The following EIF4G3 variants were observed in gnomAD, a reference collection of about 807,000 sequenced individuals.
EIF4G3 encodes eukaryotic translation initiation factor 4 gamma 3, also known as eIF-4-gamma 3.
A neutral mutation model predicts 186.4 loss-of-function variants in EIF4G3; 34 were observed. The observed-to-expected ratio is 0.18, with a 90% CI of 0.14 to 0.24. The LOEUF (loss-of-function observed/expected upper bound fraction) is 0.24, where lower values mean the gene tolerates loss of function less well. Ranked by LOEUF, EIF4G3 falls within the 10% of genes least tolerant of loss-of-function variation. EIF4G3 has a pLI of 1.00. For synonymous variants in EIF4G3, 673 were observed against 679.5 expected (o/e 0.99, Z 0.15); for missense variants, 1,536 against 1,948.5 (o/e 0.79, Z 3.99).
At chr1:20,857,646 A>T in intron 24 of EIF4G3, 149 bp from the exon 25 acceptor site, 2 of 722,988 alleles carry the variant, frequency 2.8e-6, no homozygotes, top group Non-Finnish European at 4.8e-6. Flanking sequence ...ATGGCAGGAA[A>T]ATATAAGCAG....
chr1:20,927,445 C>A (rs960405646), intron 14 of EIF4G3, among the ~76,000 whole-genome samples: 2 of 152,172 alleles, frequency 1.3e-5, no homozygotes, highest in Non-Finnish European at 2.9e-5. Flanking sequence ...CATCCAGCAG[C>A]AATATTTTCT....
At chr1:20,883,266 AG>A (rs1309921061) in intron 19 of EIF4G3, among the ~76,000 whole-genome samples, 2 of 152,132 alleles carry the variant, frequency 1.3e-5, no homozygotes, top group Non-Finnish European at 2.9e-5. Context: ...GAGACCAGAA[AG>A]GGGAATAGTT....
At chr1:20,923,117 C>T (rs976748460) in intron 14 of EIF4G3, among the ~76,000 whole-genome samples, 2 of 152,206 alleles carry the variant, frequency 1.3e-5, no homozygotes, top group African/African-American at 4.8e-5. Flanking sequence ...CCCCACCTCT[C>T]AAGTCTGCCT....
chr1:21,153,603 C>T (rs1344821928), intron 2 of EIF4G3, among the ~76,000 whole-genome samples: 1 of 152,086 alleles, frequency 6.6e-6, no homozygotes, highest in Non-Finnish European at 1.5e-5. Context: ...TCTTGTAGCC[C>T]AGGCTGCAGT....
At chr1:20,959,201 T>C (rs984658481) in intron 12 of EIF4G3, among the ~76,000 whole-genome samples, 3 of 152,010 alleles carry the variant, frequency 2.0e-5, no homozygotes, top group Non-Finnish European at 4.4e-5. Flanking sequence ...AAATAACTAA[T>C]GGAACAGAAT....
At chr1:21,009,170 G>A (rs1461662546) in intron 4 of EIF4G3, among the ~76,000 whole-genome samples, 1 of 152,070 alleles carries the variant, frequency 6.6e-6, no homozygotes, top group African/African-American at 2.4e-5. Context: ...ATATAAGTGT[G>A]TTTATTCATT....
At chr1:20,878,329 T>C (rs1018833584) in intron 20 of EIF4G3, among the ~76,000 whole-genome samples, 1 of 152,190 alleles carries the variant, frequency 6.6e-6, no homozygotes, top group Non-Finnish European at 1.5e-5. Flanking sequence ...TTTATAAAAG[T>C]TTTGTGACTC....
intron 4 of EIF4G3, among the ~76,000 whole-genome samples, chr1:21,027,046 A>G (rs759136050): frequency 3.9e-5 from 6 of 152,068 alleles, no homozygotes; most frequent in Non-Finnish European, 7.4e-5. Context: ...ACGAATAGAC[A>G]TTTCTATTAA....
intron 12 of EIF4G3, among the ~76,000 whole-genome samples, chr1:20,954,423 C>G (rs557697300): frequency 9.0e-4 from 136 of 150,426 alleles, no homozygotes; most frequent in African/African-American, 3.2e-3. Context: ...ATAATCTCAG[C>G]TACTCGGGAG....
intron 9 of EIF4G3, 122 bp downstream of exon 9, chr1:20,980,926 C>T (rs1243426492): frequency 1.4e-6 from 1 of 728,088 alleles, no homozygotes; most frequent in Non-Finnish European, 2.0e-6. Flanking sequence ...TTGTAACCAA[C>T]AAAACAGTTC....
chr1:20,923,482 A>C (rs2094630319), intron 14 of EIF4G3, among the ~76,000 whole-genome samples: 1 of 152,198 alleles, frequency 6.6e-6, no homozygotes, highest in Non-Finnish European at 1.5e-5. Flanking sequence ...ATTCAAGGTA[A>C]ATCTAGTACA....
chr1:21,111,455 T>C (rs2096724581), intron 2 of EIF4G3: 1 of 454,090 alleles, frequency 2.2e-6, no homozygotes, highest in Non-Finnish European at 4.6e-6. Context: ...TTATTATACA[T>C]AGCTCTTCCA....
At chr1:21,067,238 T>A (rs1487248994) in intron 3 of EIF4G3, among the ~76,000 whole-genome samples, 2 of 150,978 alleles carry the variant, frequency 1.3e-5, no homozygotes, top group Non-Finnish European at 2.9e-5. Flanking sequence ...GTTTAAGGGA[T>A]TCTCCTGCCT....
intron 2 of EIF4G3, among the ~76,000 whole-genome samples, chr1:21,173,137 CA>C (rs1193601902): frequency 0.06 from 1,733 of 29,082 alleles, 3 homozygotes; most frequent in Non-Finnish European, 0.08. Context: ...GACTCAATCT[CA>C]AAAAAAAAAA....
chr1:21,012,122 T>A (rs2087303904), intron 4 of EIF4G3, among the ~76,000 whole-genome samples: 1 of 152,188 alleles, frequency 6.6e-6, no homozygotes, highest in African/African-American at 2.4e-5. Context: ...CTTTACCTCT[T>A]GCTATTTAAT....
chr1:20,840,356 G>T (rs1296339862), intron 30 of EIF4G3, among the ~76,000 whole-genome samples: 1 of 152,154 alleles, frequency 6.6e-6, no homozygotes, highest in Non-Finnish European at 1.5e-5. Flanking sequence ...ACCTGAAATA[G>T]ACTAAATCAT....
chr1:21,066,691 A>G (rs2095254678), intron 3 of EIF4G3, among the ~76,000 whole-genome samples: 1 of 152,234 alleles, frequency 6.6e-6, no homozygotes, highest in African/African-American at 2.4e-5. Context: ...CAAAGTTTAC[A>G]GTAAAAACTG....
At chr1:21,080,340 A>T (rs868755121) in intron 3 of EIF4G3, among the ~76,000 whole-genome samples, 3 of 151,846 alleles carry the variant, frequency 2.0e-5, no homozygotes, top group African/African-American at 7.3e-5. Flanking sequence ...AGAGAGAGAA[A>T]GAAGAAAATA....
chr1:20,813,947 GTTTTTTTTTTTT>G (rs576925301), intron 34 of EIF4G3, among the ~76,000 whole-genome samples: 1 of 77,330 alleles, frequency 1.3e-5, no homozygotes, highest in Non-Finnish European at 2.3e-5. Context: ...ATGAGTCACT[GTTTTTTTTTTTT>G]TTTTTTTTTT....
Sources: gnomAD v4.1 joint callset for allele counts (sites outside exome capture counted in the v4.1 genomes callset) on GRCh38, gnomAD v4.1.1 for gene constraint, MANE v1.5 for transcripts, NCBI Gene and HGNC (gene_info 2026-07-23, HGNC 2026-07-21) for gene names.